Variants in SBDS observed in about 807,000 individuals in gnomAD.
SBDS encodes the protein SBDS ribosome maturation factor, also known as ribosome maturation protein SBDS.
In SBDS, 20 loss-of-function variants were observed where a neutral mutation model predicts 26.4. That is an observed-to-expected ratio of 0.76 (90% CI 0.53 to 1.10). The LOEUF (loss-of-function observed/expected upper bound fraction) is 1.10, where lower values mean the gene tolerates loss of function less well. Among genes scored for constraint, SBDS ranks in the 50% least tolerant of loss-of-function variants. SBDS has a pLI of 0.00. For missense variants in SBDS, 241 were observed against 302.0 expected, an observed-to-expected ratio of 0.80 and a Z score of 1.50; for synonymous variants, 95 against 105.1, an observed-to-expected ratio of 0.90 and a Z score of 0.59.
Position 66,988,458 on chromosome 7 carries a change from C to T in SBDS, c.666G>A (p.Glu222=), listed in dbSNP as rs755853314. The change falls in exon 5 of 5, where the codon GAG becomes GAA. Residue 222 remains glutamate, a synonymous_variant. Coordinates refer to ENST00000246868, the MANE Select transcript of SBDS (RefSeq NM_016038.4). ...TGCCTTTAGTTTCCTTTTTTATTAG[C>T]TCATCAATTTCTCGGAAGCAGCCCG... ...IDPGCFREID[E]LIKKETKGKG... The T allele has an allele frequency of 2.3e-5, 37 of 1,613,680 alleles. No individual in the cohort carries two copies. The South Asian group carries it at 3.8e-4, about 17-fold the overall frequency.
chr7:66,994,120 T>C, intron 2 of SBDS, 92 bp downstream of exon 2: 1 of 1,282,716 alleles, frequency 7.8e-7, no homozygotes, highest in Non-Finnish European at 1.1e-6. Flanking sequence ...TGGTTAGTCT[T>C]TCCTCCAGAA....
At position 66,994,249 on chromosome 7, in the gene SBDS, G is replaced by A. The variant is rs769235557; in HGVS notation, c.221C>T (p.Ala74Val). Residue 74 changes from alanine (A) to valine (V), a missense_variant, in exon 2 of 5, where the codon GCG becomes GTG. Physicochemically the swap from Ala to Val is moderately conservative, Grantham distance 64. Coordinates refer to ENST00000246868, the MANE Select transcript of SBDS (RefSeq NM_016038.4). ...TTCAGTTTGGTCATCTGTTCCAAAC[G>A]CACTGATGAGATCTTCCTTTTTGGC... ...QVAKKEDLIS[A>V]FGTDDQTEIC... The A allele has an allele frequency of 1.9e-6, 3 of 1,613,942 alleles. No homozygotes were observed. Among genetic ancestry groups the A allele is most frequent in the East Asian group, 4.5e-5 (2 of 44,896 alleles).
Position 66,995,549 on chromosome 7 carries a change from G to C in SBDS, c.-132C>G. 7.5e-7 allele frequency: 1 copy of C among 1,335,212 alleles called. No individual in the cohort carries two copies. The highest frequency in any genetic ancestry group is 1.4e-5 in the African/African-American group (1 of 69,090). The allele number at this position is 1,335,212 out of a possible 1,614,324, so 82.7% of individuals were successfully genotyped here. A position where few individuals can be genotyped will look rare whatever the true frequency, so the allele number is the denominator to read the frequency against. On this transcript the variant is annotated 5_prime_UTR_variant, in exon 1 of 5. Coordinates refer to ENST00000246868, the MANE Select transcript of SBDS (RefSeq NM_016038.4). ...GACCCAACCACCAGTGCGCGGCGCCGCGACTCACTAGCTTCAGGCAGCCGT... is the reference window on the plus strand; with the variant it reads ...GACCCAACCACCAGTGCGCGGCGCCCCGACTCACTAGCTTCAGGCAGCCGT...
rs1793089084 is a variant in SBDS, at chr7:66,995,422, G to A, written c.-5C>T. ...GGTGGGGGTGAAGATCGACATCGCG[G>A]CTGTTCAAAGACCCAGAAGCCGGCG... is the stretch of plus-strand genomic sequence containing the variant. On this transcript the variant is annotated 5_prime_UTR_variant, in exon 1 of 5. Coordinates refer to ENST00000246868, the MANE Select transcript of SBDS (RefSeq NM_016038.4). 1 of 1,613,490 alleles carries A rather than the reference G, an allele frequency of 6.2e-7. No homozygotes were observed. The highest frequency in any genetic ancestry group is 8.5e-7 in the Non-Finnish European group (1 of 1,179,992).
chr7:66,988,631 A>G lies in SBDS; in HGVS notation c.625-132T>C. On this transcript the variant is annotated intron_variant, in intron 4 of 4. Transcript: ENST00000246868. ...TAATACCACAGTTCTATGGTGCAAT[A>G]GATAAGACAATGGGTAGGGCGGCAC... 3.7e-6 allele frequency: 4 copies of G among 1,093,618 alleles called. No individual in the cohort carries two copies. In the Admixed American group the frequency reaches 7.7e-5, roughly 21 times the overall value. The allele number at this position is 1,093,618 out of a possible 1,614,324, so 67.7% of individuals were successfully genotyped here. A position where few individuals can be genotyped will look rare whatever the true frequency, so the allele number is the denominator to read the frequency against.
Position 66,995,538 on chromosome 7 carries a change from T to C in SBDS, c.-121A>G, listed in dbSNP as rs1410718042. ...CGCGCGGCACTGACCCAACCACCAG[T>C]GCGCGGCGCCGCGACTCACTAGCTT... On this transcript the variant is annotated 5_prime_UTR_variant, in exon 1 of 5. Transcript: ENST00000246868. 1.4e-6 allele frequency: 2 copies of C among 1,455,368 alleles called. No homozygotes were observed. Among genetic ancestry groups the C allele is most frequent in the Non-Finnish European group, 1.9e-6 (2 of 1,057,724 alleles). 90.2% of individuals were successfully genotyped at this position (1,455,368 alleles called of 1,614,324 possible).
At chr7:66,992,044 G>A (rs1792986535) in intron 3 of SBDS, among the ~76,000 whole-genome samples, 1 of 152,200 alleles carries the variant, frequency 6.6e-6, no homozygotes, top group South Asian at 2.1e-4. Flanking sequence ...TGTCTACACA[G>A]AAACATACAA....
intron 2 of SBDS, among the ~76,000 whole-genome samples, chr7:66,993,796 T>C (rs201332146): frequency 6.9e-4 from 104 of 151,568 alleles, no homozygotes; most frequent in East Asian, 1.7e-3. Context: ...ATCGCTTGAA[T>C]CCAGGAGGCA....
intron 1 of SBDS, among the ~76,000 whole-genome samples, chr7:66,994,844 T>G (rs987102211): frequency 6.6e-6 from 1 of 151,958 alleles, no homozygotes; most frequent in Non-Finnish European, 1.5e-5. Flanking sequence ...AAGGGTGGGG[T>G]GGGGTGCAGA....
chr7:66,989,560 AAAT>A (rs1210001350), intron 4 of SBDS, among the ~76,000 whole-genome samples: 2 of 151,998 alleles, frequency 1.3e-5, no homozygotes, highest in African/African-American at 2.4e-5. Flanking sequence ...ATAAATAAAT[AAAT>A]AAATAAATAA....
intron 3 of SBDS, among the ~76,000 whole-genome samples, chr7:66,991,850 A>G (rs1480192328): frequency 6.6e-6 from 1 of 152,182 alleles, no homozygotes; most frequent in Non-Finnish European, 1.5e-5. Flanking sequence ...CATTAAGGAA[A>G]TGCAAATCAA....
intron 4 of SBDS, 121 bp downstream of exon 4, chr7:66,991,016 C>CAAAA: frequency 2.6e-6 from 2 of 759,448 alleles, no homozygotes; most frequent in Non-Finnish European, 3.8e-6. Context: ...GACTCCATCT[C>CAAAA]AAAAAAAAAA....
chr7:66,990,983 C>A, intron 4 of SBDS, 154 bp downstream of exon 4: 3 of 662,974 alleles, frequency 4.5e-6, no homozygotes. Context: ...CACCACTGCA[C>A]TCCAGCCTGG....
Position 66,995,383 on chromosome 7 carries a change from A to G in SBDS, c.35T>C (p.Leu12Pro). 1.2e-6 allele frequency: 2 copies of G among 1,614,120 alleles called. No individual in the cohort carries two copies. Among genetic ancestry groups the G allele is most frequent in the Non-Finnish European group, 1.7e-6 (2 of 1,180,008 alleles). Residue 12 changes from leucine to proline, a missense_variant, in exon 1 of 5, where the codon CTA (leucine) becomes CCA (proline). Transcript: ENST00000246868. ...CATCCGTACCACGGCCACATTGGTTAGGCGGATCTGGTTGGTGGGGGTGAA... is the reference window on the plus strand; with the variant it reads ...CATCCGTACCACGGCCACATTGGTTGGGCGGATCTGGTTGGTGGGGGTGAA... ...SIFTPTNQIR[L>P]TNVAVVRMKR...
chr7:66,988,954 C>G (rs1051859525), intron 4 of SBDS, among the ~76,000 whole-genome samples: 8 of 151,530 alleles, frequency 5.3e-5, no homozygotes, highest in Admixed American at 1.3e-4. Context: ...ACTGCAGCCT[C>G]CGCCTCCCAG....
Position 66,991,290 on chromosome 7 carries a change from C to A in SBDS, c.471G>T (p.Val157=). The change falls in exon 4 of 5, where the codon GTG becomes GTT. Residue 157 remains valine, a synonymous_variant. Transcript: ENST00000246868. ...NKSTKQQALE[V]IKQLKEKMKI... is the part of the protein sequence containing the mutation. Reference sequence around the variant, plus strand: ...TCATTTTCTCTTTTAACTGCTTTATCACTTCCAAAGCCTACCAAGACAAAA... The same window carrying A: ...TCATTTTCTCTTTTAACTGCTTTATAACTTCCAAAGCCTACCAAGACAAAA... 1 of 1,612,040 alleles carries A rather than the reference C, an allele frequency of 6.2e-7. No individual in the cohort carries two copies. Among genetic ancestry groups the A allele is most frequent in the Non-Finnish European group, 8.5e-7 (1 of 1,178,680 alleles).
Position 66,993,242 on chromosome 7 carries a change from T to A in SBDS, c.434A>T (p.Lys145Ile). 6.2e-7 allele frequency: 1 copy of A among 1,614,192 alleles called. No individual in the cohort carries two copies. The highest frequency in any genetic ancestry group is 1.3e-5 in the African/African-American group (1 of 75,050). ...CTGCTGTTTTGTACTCTTGTTGGTTTTCACCGAATAGTGGATGTCCTTCAT... is the reference window on the plus strand; with the variant it reads ...CTGCTGTTTTGTACTCTTGTTGGTTATCACCGAATAGTGGATGTCCTTCAT... ...RAMKDIHYSV[K>I]TNKSTKQQAL... Residue 145 changes from lysine to isoleucine, a missense_variant, in exon 3 of 5, where the codon AAA becomes ATA. Transcript: ENST00000246868.
Position 66,988,341 on chromosome 7 carries a change from G to A in SBDS, c.*30C>T, listed in dbSNP as rs751505054. ...TGCCGTCGGAAACGGAAACACTTTAGTGTTTTAGAGGTGAAGAGATTGATG... is the reference window on the plus strand; with the variant it reads ...TGCCGTCGGAAACGGAAACACTTTAATGTTTTAGAGGTGAAGAGATTGATG... On this transcript the variant is annotated 3_prime_UTR_variant, in exon 5 of 5. Transcript: ENST00000246868. 3 of 1,610,622 alleles carry A rather than the reference G, an allele frequency of 1.9e-6. No individual in the cohort carries two copies. Among genetic ancestry groups the A allele is most frequent in the Non-Finnish European group, 8.5e-7 (1 of 1,179,114 alleles).
At chr7:66,988,527 A>G in intron 4 of SBDS, 28 bp from the exon 5 acceptor site, 1 of 1,611,496 alleles carries the variant, frequency 6.2e-7, no homozygotes. Flanking sequence ...GCAGATTACC[A>G]CATGAGGATG....
Sources: allele counts gnomAD v4.1 joint callset (sites outside exome capture counted in the v4.1 genomes callset), GRCh38; gene constraint gnomAD v4.1.1; transcripts MANE v1.5; gene names NCBI Gene and HGNC (gene_info 2026-07-23, HGNC 2026-07-21).